GADL1: variants seen among roughly 807,000 people sequenced by gnomAD.
GADL1 encodes the protein GAD like acidic amino acid decarboxylase 1, also known as acidic amino acid decarboxylase GADL1.
A neutral mutation model predicts 69.5 loss-of-function variants in GADL1; 71 were observed. That is an observed-to-expected ratio of 1.02 (90% CI 0.84 to 1.25). The LOEUF is 1.25. Ranked by LOEUF, GADL1 falls within the 50% of genes most tolerant of loss-of-function variation. The probability of loss-of-function intolerance (pLI) is 0.00; values close to 1 mark genes in which losing one functional copy is unlikely to be tolerated. For synonymous variants in GADL1, 254 were observed against 214.4 expected, an observed-to-expected ratio of 1.18 and a Z score of -1.62; for missense variants, 737 against 631.8, an observed-to-expected ratio of 1.17 and a Z score of -1.79.
At chr3:30,737,789 T>A (rs1481045106) in intron 14 of GADL1, among the ~76,000 whole-genome samples, 2 of 152,164 alleles carry the variant, frequency 1.3e-5, no homozygotes, top group African/African-American at 4.8e-5. Context: ...CTCCTGAGTA[T>A]ATCTGAAAAT....
At position 30,801,092 on chromosome 3, in the gene GADL1, C is replaced by G; in HGVS notation, c.1051-4G>C. ...AGTAGCATTTTTTAAGAAGATCCTT[C>G]GAAAAAGAAAAGATTACAAGACTGT... On this transcript the variant is annotated splice_region_variant and splice_polypyrimidine_tract_variant and intron_variant, in intron 11 of 14. Transcript: ENST00000282538. The G allele has an allele frequency of 1.3e-6, 2 of 1,581,786 alleles. No individual in the cohort carries two copies. The highest frequency in any genetic ancestry group is 1.7e-6 in the Non-Finnish European group (2 of 1,158,780).
chr3:30,834,761 A>T (rs1697846862), intron 9 of GADL1, among the ~76,000 whole-genome samples: 1 of 152,086 alleles, frequency 6.6e-6, no homozygotes, highest in Non-Finnish European at 1.5e-5. Flanking sequence ...GAAAAATTAG[A>T]TCATTTTAGC....
intron 13 of GADL1, among the ~76,000 whole-genome samples, chr3:30,779,476 A>G (rs1030670337): frequency 2.6e-5 from 4 of 152,230 alleles, no homozygotes; most frequent in African/African-American, 9.6e-5. Context: ...AAACACTGTA[A>G]TTCAACTCAA....
chr3:30,791,117 C>T (rs1206019431), intron 12 of GADL1, among the ~76,000 whole-genome samples: 1 of 151,956 alleles, frequency 6.6e-6, no homozygotes, highest in Non-Finnish European at 1.5e-5. Flanking sequence ...TTTCCATTCC[C>T]TTTTTATATC....
chr3:30,764,356 AG>A (rs1180258459), intron 14 of GADL1, among the ~76,000 whole-genome samples: 4 of 152,200 alleles, frequency 2.6e-5, no homozygotes, highest in African/African-American at 4.8e-5. Flanking sequence ...AAAATTTGTT[AG>A]ATTACACTTA....
At chr3:30,760,005 C>T (rs1159318077) in intron 14 of GADL1, among the ~76,000 whole-genome samples, 1 of 152,174 alleles carries the variant, frequency 6.6e-6, no homozygotes, top group Non-Finnish European at 1.5e-5. Context: ...AAATTAGCTA[C>T]CTAATATCTC....
At chr3:30,877,921 G>T (rs73065046) in intron 1 of GADL1, among the ~76,000 whole-genome samples, 24,241 of 151,870 alleles carry the variant, frequency 0.16, 2,334 homozygotes, top group Admixed American at 0.3. Context: ...TATTTAACAT[G>T]AAGAAGGTCC....
chr3:30,748,487 C>T (rs552781914), intron 14 of GADL1, among the ~76,000 whole-genome samples: 42 of 152,036 alleles, frequency 2.8e-4, no homozygotes, highest in Non-Finnish European at 4.7e-4. Context: ...TTCCTTCTGC[C>T]GGAATGTCAG....
intron 12 of GADL1, among the ~76,000 whole-genome samples, chr3:30,788,413 C>G (rs188197861): frequency 2.0e-5 from 3 of 152,214 alleles, no homozygotes; most frequent in Non-Finnish European, 1.5e-5. Context: ...ACTAAAAATA[C>G]CTTATTGCTA....
In GADL1 at chr3:30,768,367, T is replaced by G. The variant is rs143581786; in HGVS notation, c.1392+9812A>C. Reference sequence around the variant, plus strand: ...TACTTGTTATAGAGGGCAAGCCATTTGAAGATTTTTATTTTCAGGAGTTTG... The same window carrying G: ...TACTTGTTATAGAGGGCAAGCCATTGGAAGATTTTTATTTTCAGGAGTTTG... On this transcript the variant is annotated intron_variant, in intron 14 of 14. Coordinates refer to ENST00000282538, the MANE Select transcript of GADL1 (RefSeq NM_207359.3). Among the ~76,000 whole-genome samples, 14 of 152,278 alleles carry G rather than the reference T, an allele frequency of 9.2e-5. No individual in the cohort carries two copies. The East Asian group carries it at 2.7e-3, about 29-fold the overall frequency.
intron 11 of GADL1, among the ~76,000 whole-genome samples, chr3:30,802,543 G>C (rs1697184456): frequency 6.6e-6 from 1 of 152,190 alleles, no homozygotes; most frequent in Non-Finnish European, 1.5e-5. Context: ...TCTGATCAGA[G>C]AATGTATTAA....
Position 30,890,386 on chromosome 3 carries a change from A to G in GADL1, c.37+4192T>C, listed in dbSNP as rs530645120. 1.3e-4 allele frequency among the ~76,000 whole-genome samples: 20 copies of G among 151,748 alleles called. No individual in the cohort carries two copies. The South Asian group carries it at 2.5e-3, about 19-fold the overall frequency. On this transcript the variant is annotated intron_variant, in intron 1 of 14. Transcript: ENST00000282538. The stretch of plus-strand genomic sequence containing the variant: ...TACCCTCATAGACATCAGGGAAGAA[A>G]TAGATATATAGAATTACAAGCATGT...
At chr3:30,771,944 T>C (rs1575197180) in intron 14 of GADL1, among the ~76,000 whole-genome samples, 1 of 152,104 alleles carries the variant, frequency 6.6e-6, no homozygotes, top group Non-Finnish European at 1.5e-5. Flanking sequence ...AGGAAATAAA[T>C]GGGGCAAGGA....
intron 11 of GADL1, among the ~76,000 whole-genome samples, chr3:30,823,460 G>A (rs547867421): frequency 6.6e-6 from 1 of 152,110 alleles, no homozygotes; most frequent in East Asian, 1.9e-4. Flanking sequence ...GCTATACCCT[G>A]AAGATCCAGA....
chr3:30,760,030 ATT>A (rs1291008817), intron 14 of GADL1, among the ~76,000 whole-genome samples: 2 of 152,216 alleles, frequency 1.3e-5, no homozygotes, highest in Non-Finnish European at 2.9e-5. Context: ...TTACCTGCAG[ATT>A]CATGAGTGAT....
At chr3:30,838,695 T>C (rs1697912734) in intron 9 of GADL1, among the ~76,000 whole-genome samples, 3 of 152,120 alleles carry the variant, frequency 2.0e-5, no homozygotes, top group Admixed American at 1.3e-4. Context: ...CTCGGCTCCC[T>C]AACCTAAAAT....
intron 14 of GADL1, among the ~76,000 whole-genome samples, chr3:30,738,481 T>C (rs17026475): frequency 0.092 from 13,935 of 152,176 alleles, 1,761 homozygotes; most frequent in African/African-American, 0.28. Flanking sequence ...TCTTGACATA[T>C]CCTGAGACCT....
intron 14 of GADL1, among the ~76,000 whole-genome samples, chr3:30,761,473 T>C (rs1195483805): frequency 8.1e-6 from 1 of 123,102 alleles, no homozygotes; most frequent in African/African-American, 2.9e-5. Context: ...ACCTGGGGGA[T>C]AGATATGTTT....
chr3:30,846,232 C>T (rs1476359821), intron 6 of GADL1, among the ~76,000 whole-genome samples: 1 of 152,164 alleles, frequency 6.6e-6, no homozygotes, highest in Non-Finnish European at 1.5e-5. Context: ...CATTTAGAAA[C>T]AAACAGTGGC....
Sources: gnomAD v4.1 joint callset for allele counts (sites outside exome capture counted in the v4.1 genomes callset) on GRCh38, gnomAD v4.1.1 for gene constraint, MANE v1.5 for transcripts, NCBI Gene and HGNC (gene_info 2026-07-23, HGNC 2026-07-21) for gene names.